Variants in SIRPG observed in about 807,000 individuals in gnomAD.
The protein encoded by SIRPG is signal regulatory protein gamma, also known as signal-regulatory protein gamma.
A neutral mutation model predicts 35.7 loss-of-function variants in SIRPG; 38 were observed. The observed-to-expected ratio is 1.06, with a 90% CI of 0.82 to 1.40. The LOEUF is 1.40. Ranked by LOEUF, SIRPG falls within the 40% of genes most tolerant of loss-of-function variation. SIRPG has a pLI of 0.00. For missense variants in SIRPG, 519 were observed against 483.0 expected (o/e 1.07, Z -0.70); for synonymous variants, 215 against 190.4 (o/e 1.13, Z -1.06).
At chr20:1,642,116 T>C (rs1316575688) in intron 2 of SIRPG, among the ~76,000 whole-genome samples, 1 of 152,238 alleles carries the variant, frequency 6.6e-6, no homozygotes, top group Non-Finnish European at 1.5e-5. Flanking sequence ...GTCCACTTGA[T>C]CCAGAGCTGA....
chr20:1,681,650 G>A, the SIRPG span, among the ~76,000 whole-genome samples: 1 of 151,720 alleles, frequency 6.6e-6, no homozygotes, highest in African/African-American at 2.4e-5. Flanking sequence ...GGCCAACATG[G>A]CAAAACCCTG....
At chr20:1,681,852 A>G in the SIRPG span, among the ~76,000 whole-genome samples, 1 of 152,174 alleles carries the variant, frequency 6.6e-6, no homozygotes, top group African/African-American at 2.4e-5. Flanking sequence ...ATGAATAAAT[A>G]AATAAAATAA....
At chr20:1,672,633 G>A in the SIRPG span, among the ~76,000 whole-genome samples, 1 of 152,126 alleles carries the variant, frequency 6.6e-6, no homozygotes, top group African/African-American at 2.4e-5. Context: ...AACCTTTCCC[G>A]CACTGCTGTA....
the SIRPG span, among the ~76,000 whole-genome samples, chr20:1,669,238 T>C: frequency 6.6e-6 from 1 of 152,264 alleles, no homozygotes; most frequent in Non-Finnish European, 1.5e-5. Flanking sequence ...TCACCTTGTC[T>C]AATGACAAGA....
intron 1 of SIRPG, among the ~76,000 whole-genome samples, chr20:1,652,512 A>G (rs1320057929): frequency 6.6e-6 from 1 of 152,232 alleles, no homozygotes; most frequent in East Asian, 1.9e-4. Flanking sequence ...AACAAGTGGT[A>G]TTTATTCCTG....
At position 1,630,304 on chromosome 20, in the gene SIRPG, G is replaced by A. The variant is rs747232069; in HGVS notation, c.1084C>T (p.Pro362Ser). The A allele has an allele frequency of 1.5e-5, 23 of 1,559,134 alleles. No homozygotes were observed. In the African/African-American group the frequency reaches 3.1e-4, roughly 21 times the overall value. ...AGCAGCGCAGTAAGGGATGATGCCG[G>A]GCCTGGAAATCAGGGAAGACGAGGG... ...KDQSSDATPG[P>S]ASSLTALLLI... The change falls in exon 5 of 6, where the codon CCG (proline) becomes TCG (serine). Residue 362 changes from proline to serine, a missense_variant and splice_region_variant. Pro to Ser is a moderately conservative substitution (Grantham distance 74, BLOSUM62 -1). Coordinates refer to ENST00000303415, the MANE Select transcript of SIRPG (RefSeq NM_018556.4).
At chr20:1,671,816 C>T in the SIRPG span, among the ~76,000 whole-genome samples, 57 of 152,298 alleles carry the variant, frequency 3.7e-4, 1 homozygote, top group East Asian at 7.7e-3. Flanking sequence ...AGGCACAGAT[C>T]GCTCATGTTG....
the SIRPG span, among the ~76,000 whole-genome samples, chr20:1,664,115 C>T: frequency 1.1e-4 from 17 of 152,086 alleles, no homozygotes; most frequent in Non-Finnish European, 2.1e-4. Context: ...AACAATCAAA[C>T]CTTGTGAATA....
At chr20:1,638,266 T>TA (rs1449610205) in intron 2 of SIRPG, 2 of 152,032 alleles carry the variant, frequency 1.3e-5, no homozygotes, top group Non-Finnish European at 2.9e-5. Flanking sequence ...CAAAAGTGGA[T>TA]AAAAAACCCA....
At chr20:1,671,953 A>G in the SIRPG span, among the ~76,000 whole-genome samples, 1 of 152,234 alleles carries the variant, frequency 6.6e-6, no homozygotes, top group Admixed American at 6.5e-5. Flanking sequence ...AACATGTAAC[A>G]GTCTGCAGAG....
intron 2 of SIRPG, among the ~76,000 whole-genome samples, chr20:1,641,774 A>C (rs1403009071): frequency 1.3e-5 from 2 of 152,140 alleles, no homozygotes; most frequent in Non-Finnish European, 2.9e-5. Context: ...TGTGTCCCAG[A>C]GATTCTGGTA....
chr20:1,649,517 G>A, intron 1 of SIRPG, 109 bp from the exon 2 acceptor site: 2 of 968,764 alleles, frequency 2.1e-6, no homozygotes, highest in Non-Finnish European at 3.1e-6. Flanking sequence ...ATCAGGAGCA[G>A]GACTTGATCT....
upstream of SIRPG, among the ~76,000 whole-genome samples, chr20:1,659,189 C>T (rs1370170529): frequency 6.6e-6 from 1 of 152,194 alleles, no homozygotes; most frequent in African/African-American, 2.4e-5. Flanking sequence ...TTAGAAAAGC[C>T]ACCTTGTTAA....
chr20:1,660,485 T>C (rs149516763), upstream of SIRPG, among the ~76,000 whole-genome samples: 5 of 152,258 alleles, frequency 3.3e-5, no homozygotes, highest in Non-Finnish European at 5.9e-5. Flanking sequence ...AAAATAAGAA[T>C]TGGGCGTATA....
upstream of SIRPG, among the ~76,000 whole-genome samples, chr20:1,662,334 C>A (rs371345948): frequency 6.6e-6 from 1 of 152,180 alleles, no homozygotes; most frequent in Non-Finnish European, 1.5e-5. Context: ...GTCTCCCACA[C>A]TTTTGTGAGT....
chr20:1,678,779 A>T, the SIRPG span, among the ~76,000 whole-genome samples: 1 of 152,210 alleles, frequency 6.6e-6, no homozygotes, highest in East Asian at 1.9e-4. Flanking sequence ...CCACATTAAG[A>T]CACATTATAA....
At chr20:1,673,031 A>G in the SIRPG span, among the ~76,000 whole-genome samples, 2 of 152,218 alleles carry the variant, frequency 1.3e-5, 1 homozygote, top group Admixed American at 1.3e-4. Flanking sequence ...GAGAGGTCCT[A>G]AAGGGCACCT....
chr20:1,648,986 T>C lies in SIRPG; in HGVS notation c.430+66A>G, dbSNP rs373563878. 5.0e-4 allele frequency: 672 copies of C among 1,351,014 alleles called. 8 individuals carry two copies. In the South Asian group the frequency reaches 8.0e-3, roughly 16 times the overall value. The allele number at this position is 1,351,014 out of a possible 1,614,324, so 83.7% of individuals were successfully genotyped here. A position where few individuals can be genotyped will look rare whatever the true frequency, so the allele number is the denominator to read the frequency against. On this transcript the variant is annotated intron_variant, in intron 2 of 5. Transcript: ENST00000303415. ...TCACACCTGATTGTTGCTCAAAGAA[T>C]GGAAGGTGTTACTATTGAGTTATTG...
chr20:1,633,319 A>G (rs2091765996), intron 4 of SIRPG, among the ~76,000 whole-genome samples: 1 of 152,252 alleles, frequency 6.6e-6, no homozygotes, highest in Non-Finnish European at 1.5e-5. Context: ...AAGCATTTAA[A>G]TATGAATTAA....
Sources: allele counts gnomAD v4.1 joint callset (sites outside exome capture counted in the v4.1 genomes callset), GRCh38; gene constraint gnomAD v4.1.1; transcripts MANE v1.5; gene names NCBI Gene and HGNC (gene_info 2026-07-23, HGNC 2026-07-21).